Variants in NSMF observed in about 807,000 individuals in gnomAD.
NSMF encodes NMDA receptor synaptonuclear signaling and neuronal migration factor.
In NSMF, 31 loss-of-function variants were observed where a neutral mutation model predicts 71.0. The ratio of observed to expected loss-of-function variants is 0.44; its 90% CI spans 0.33 to 0.59. NSMF has a LOEUF of 0.59. Ranked by LOEUF, NSMF falls within the 20% of genes least tolerant of loss-of-function variation. NSMF has a pLI of 0.04. For synonymous variants in NSMF, 345 were observed against 287.1 expected (o/e 1.20, Z -2.04); for missense variants, 673 against 740.5 (o/e 0.91, Z 1.06).
In NSMF at chr9:137,457,510, A is replaced by G; in HGVS notation, c.525T>C (p.Pro175=). Residue 175 remains proline, a synonymous_variant, in exon 3 of 16, where the codon CCT becomes CCC. Transcript: ENST00000371475. ...KECPGCAQLA[P]GPTPRAFGLD... ...GCCCAAAGGCCCGAGGGGTGGGGCC[A>G]GGAGCCAGCTGGGCACATCCGGGGC... 6 of 1,611,224 alleles carry G rather than the reference A, an allele frequency of 3.7e-6. No individual in the cohort carries two copies. Among genetic ancestry groups the G allele is most frequent in the Non-Finnish European group, 5.1e-6 (6 of 1,179,318 alleles).
intron 4 of NSMF, 171 bp downstream of exon 4, chr9:137,456,240 G>A (rs1830828205): frequency 1.4e-6 from 1 of 730,678 alleles, no homozygotes; most frequent in Admixed American, 1.8e-5. Flanking sequence ...CCATGGGAGG[G>A]GAAGAGCAGT....
intron 14 of NSMF, 37 bp from the exon 15 acceptor site, chr9:137,449,711 A>AG (rs1839813507): frequency 6.3e-7 from 1 of 1,577,366 alleles, no homozygotes; most frequent in African/African-American, 1.3e-5. Context: ...CGAGGCAGAG[A>AG]GATGGGGAAG....
At position 137,450,199 on chromosome 9, in the gene NSMF, C is replaced by T. The variant is rs986675725; in HGVS notation, c.1293G>A (p.Val431=). 75 of 1,613,396 alleles carry T rather than the reference C, an allele frequency of 4.6e-5. No homozygotes were observed. Among genetic ancestry groups the T allele is most frequent in the Non-Finnish European group, 6.2e-5 (73 of 1,179,890 alleles). ...LKNKVATFAK[V]EKEEDMIHFW... is the part of the protein sequence containing the mutation. ...ACTGAATCATGTCCTCTTCCTTCTC[C>T]ACTTTGGCAAAGGTGGCCACCTTGT... Residue 431 remains valine (V), a synonymous_variant, in exon 13 of 16, where the codon GTG becomes GTA. Coordinates refer to ENST00000371475, the MANE Select transcript of NSMF (RefSeq NM_001130969.3).
At position 137,449,636 on chromosome 9, in the gene NSMF, C is replaced by T; in HGVS notation, c.1458G>A (p.Arg486=). The change falls in exon 15 of 16, where the codon AGG becomes AGA. Residue 486 remains arginine (R), a synonymous_variant. Transcript: ENST00000371475. ...GCTCCAGGGGTGACTCGAAGGTGACCCTATAAGGAGTCATGAGGGTCCTGA... is the reference window on the plus strand; with the variant it reads ...GCTCCAGGGGTGACTCGAAGGTGACTCTATAAGGAGTCATGAGGGTCCTGA... ...QNLRTLMTPY[R]VTFESPLELS... is the part of the protein sequence containing the mutation. 1 of 1,612,610 alleles carries T rather than the reference C, an allele frequency of 6.2e-7. No individual in the cohort carries two copies. Among genetic ancestry groups the T allele is most frequent in the East Asian group, 2.2e-5 (1 of 44,850 alleles).
Position 137,454,366 on chromosome 9 carries a change from C to G in NSMF, c.832+25G>C, listed in dbSNP as rs1430037830. ...ACCAGCCAAGCGCAACGCCGCCCCC[C>G]CACCCCCGCCGCACGGGGTCTTACT... On this transcript the variant is annotated intron_variant, in intron 7 of 15. Transcript: ENST00000371475. The G allele has an allele frequency of 9.7e-6, 15 of 1,548,634 alleles. 1 individual carries two copies. The highest frequency in any genetic ancestry group is 1.2e-5 in the Non-Finnish European group (14 of 1,145,830).
chr9:137,458,499 C>A lies in NSMF; in HGVS notation c.122G>T (p.Arg41Leu). The A allele has an allele frequency of 6.3e-7, 1 of 1,592,542 alleles. No homozygotes were observed. ...TCGCGTGCCCCTACCTGCGCCGTTG[C>A]GGTTCTCAGGGTGACTCTGGGACAG... Reference protein sequence around the residue: ...EYLSQSHPENRNGADHLLADA... With the variant: ...EYLSQSHPENLNGADHLLADA... Residue 41 changes from arginine to leucine, a missense_variant, in exon 2 of 16, where the codon CGC (arginine) becomes CTC (leucine). Transcript: ENST00000371475.
At chr9:137,450,154 C>T in intron 13 of NSMF, 22 bp downstream of exon 13, 3 of 1,611,114 alleles carry the variant, frequency 1.9e-6, no homozygotes, top group Non-Finnish European at 2.5e-6. Flanking sequence ...CCTCCCCGCG[C>T]CCAGGGCACC....
chr9:137,453,898 C>T lies in NSMF; in HGVS notation c.833-78G>A, dbSNP rs1302949609. ...TCTCAGACCCCAGGCGAGGGGACCA[C>T]AGGGGCCCTGGGCAGAGGAGGAAGC... On this transcript the variant is annotated intron_variant, in intron 7 of 15. Coordinates refer to ENST00000371475, the MANE Select transcript of NSMF (RefSeq NM_001130969.3). This position sits in a 1 kb window ranked among gnomAD's most constrained non-coding sequence, Gnocchi z 4.5. 1 of 1,252,844 alleles carries T rather than the reference C, an allele frequency of 8.0e-7. No individual in the cohort carries two copies. The highest frequency in any genetic ancestry group is 1.5e-5 in the African/African-American group (1 of 67,602). 77.6% of individuals were successfully genotyped at this position (1,252,844 alleles called of 1,614,324 possible). A position where few individuals can be genotyped will look rare whatever the true frequency, so the allele number is the denominator to read the frequency against.
Position 137,452,379 on chromosome 9 carries a change from G to A in NSMF, c.1222C>T (p.Leu408=). The A allele has an allele frequency of 1.2e-6, 2 of 1,611,810 alleles. No homozygotes were observed. The highest frequency in any genetic ancestry group is 2.2e-5 in the East Asian group (1 of 44,692). Residue 408 remains leucine (L), a synonymous_variant, in exon 12 of 16, where the codon CTG becomes TTG. Transcript: ENST00000371475. ...CTGAGCCCCACCTGGCAGAAAATCA[G>A]CATTTTCCAGATCTTGGCTCCCTTG... The part of the protein sequence containing the change: ...YHKGAKIWKM[L]IFCQGGPGHL...
chr9:137,449,900 G>T, intron 14 of NSMF, 23 bp downstream of exon 14: 1 of 1,588,892 alleles, frequency 6.3e-7, no homozygotes, highest in Non-Finnish European at 8.6e-7. Flanking sequence ...GAGGTCTGGG[G>T]TGGGGCTTGG....
chr9:137,452,718 GC>G lies in NSMF; in HGVS notation c.1131+17del. On this transcript the variant is annotated intron_variant, in intron 10 of 15. Transcript: ENST00000371475. ...GCAAGAGGGCATCTGTTGGGGGCAGGCCCGGGGCGGGACTCACGTAGAGGAT... is the reference window on the plus strand; with the variant it reads ...GCAAGAGGGCATCTGTTGGGGGCAGGCCGGGGCGGGACTCACGTAGAGGAT... 1.2e-6 allele frequency: 2 copies of G among 1,603,510 alleles called. No individual in the cohort carries two copies. The highest frequency in any genetic ancestry group is 1.7e-6 in the Non-Finnish European group (2 of 1,175,610).
rs770597015 is a variant in NSMF, at chr9:137,457,448, C to A, written c.587G>T (p.Arg196Leu). 5 of 1,612,702 alleles carry A rather than the reference C, an allele frequency of 3.1e-6. No individual in the cohort carries two copies. The highest frequency in any genetic ancestry group is 1.7e-5 in the Admixed American group (1 of 59,998). The change falls in exon 3 of 16, where the codon CGC becomes CTC. Residue 196 changes from arginine to leucine, a missense_variant. Physicochemically the swap from Arg to Leu is moderately radical, Grantham distance 102. Coordinates refer to ENST00000371475, the MANE Select transcript of NSMF (RefSeq NM_001130969.3). ...QPPLPETSGR[R>L]KKLERMYSVD... is the part of the protein sequence containing the mutation. Reference sequence around the variant, plus strand: ...GCTGTACATCCTCTCCAGCTTCTTGCGGCGACCGGAGGTCTCAGGCAGAGG... The same window carrying A: ...GCTGTACATCCTCTCCAGCTTCTTGAGGCGACCGGAGGTCTCAGGCAGAGG...
At chr9:137,452,847 C>A in intron 9 of NSMF, 28 bp from the exon 10 acceptor site, 1 of 1,581,646 alleles carries the variant, frequency 6.3e-7, no homozygotes, top group South Asian at 1.1e-5. Context: ...TGCTCAGGGG[C>A]CCCAGGCCCA....
chr9:137,457,616 C>A lies in NSMF; in HGVS notation c.419G>T (p.Arg140Leu). The stretch of plus-strand genomic sequence containing the variant: ...CTCCCGGCTGCCACCAGGGCTGGCG[C>A]GCAGGGGCTGGCTGTGATGGTGAGG... Reference protein sequence around the residue: ...RHPHHHSQPLRASPGGSREDV... With the variant: ...RHPHHHSQPLLASPGGSREDV... The change falls in exon 3 of 16, where the codon CGC becomes CTC. Residue 140 changes from arginine (R) to leucine (L), a missense_variant. By Grantham distance (102) the Arg-to-Leu change is moderately radical (BLOSUM62 -2). Coordinates refer to ENST00000371475, the MANE Select transcript of NSMF (RefSeq NM_001130969.3). 3 of 1,551,438 alleles carry A rather than the reference C, an allele frequency of 1.9e-6. No homozygotes were observed. The highest frequency in any genetic ancestry group is 2.6e-6 in the Non-Finnish European group (3 of 1,147,334).
chr9:137,453,838 C>T lies in NSMF; in HGVS notation c.833-18G>A, dbSNP rs1297255147. ...AGCGAACGCTGCAGAGAGCAAAACC[C>T]GCATTAGCGAGCGGGTGGGGCGGGG... On this transcript the variant is annotated intron_variant, in intron 7 of 15. Transcript: ENST00000371475. The surrounding 1 kb of genome is among the most constrained non-coding windows in gnomAD (Gnocchi z 4.5). The T allele has an allele frequency of 8.3e-6, 13 of 1,571,200 alleles. No homozygotes were observed. The highest frequency in any genetic ancestry group is 1.0e-5 in the Non-Finnish European group (12 of 1,165,912).
rs74861169 is a variant in NSMF, at chr9:137,456,292, G to A, written c.704+119C>T. On this transcript the variant is annotated intron_variant, in intron 4 of 15. Transcript: ENST00000371475. ...GGCAGGCCTGGCACAGCATAGGCAC[G>A]TGGGTCTGTTCAGAAGCAGCCCCCC... The A allele has an allele frequency of 2.4e-3, 2,030 of 842,144 alleles. 25 individuals are homozygous for A. In the African/African-American group the frequency reaches 0.025, roughly 10 times the overall value. 52.2% of individuals were successfully genotyped at this position (842,144 alleles called of 1,614,324 possible).
chr9:137,452,704 T>A (rs777038464), intron 10 of NSMF, 32 bp downstream of exon 10: 1 of 1,602,852 alleles, frequency 6.2e-7, no homozygotes, highest in Non-Finnish European at 8.5e-7. Flanking sequence ...CAAGAGGGCA[T>A]CTGTTGGGGG....
rs1312395521 is a variant in NSMF, at chr9:137,457,429, C to T, written c.606G>A (p.Met202Ile). Residue 202 changes from methionine (M) to isoleucine (I), a missense_variant, in exon 3 of 16, where the codon ATG becomes ATA. Around this residue, in one of 2 missense-constraint regions of NSMF, gnomAD observed 471 missense variants for 459.6 expected, o/e 1.02. Transcript: ENST00000371475. The stretch of plus-strand genomic sequence containing the variant: ...CACCAGACACACGGTCAACGCTGTA[C>T]ATCCTCTCCAGCTTCTTGCGGCGAC... ...TSGRRKKLER[M>I]YSVDRVSDDI... The T allele has an allele frequency of 6.2e-7, 1 of 1,612,928 alleles. No homozygotes were observed.
chr9:137,458,413 C>A (rs1830973331), intron 2 of NSMF, 75 bp downstream of exon 2: 2 of 1,331,464 alleles, frequency 1.5e-6, no homozygotes, highest in South Asian at 2.5e-5. Flanking sequence ...TCACGCTCCA[C>A]CCCCGGAGGC....
Sources: gnomAD v4.1 joint callset for allele counts on GRCh38, gnomAD v4.1.1 for gene constraint, gnomAD v4.1.1 regional missense constraint, Gnocchi (gnomAD v3.1) non-coding constraint, MANE v1.5 for transcripts, NCBI Gene and HGNC (gene_info 2026-07-23, HGNC 2026-07-21) for gene names.